Variants in NTNG2 observed in about 807,000 individuals in gnomAD.
The protein encoded by NTNG2 is netrin G2.
NTNG2 carries 15 observed loss-of-function variants against 47.6 expected under a neutral mutation model. The ratio of observed to expected loss-of-function variants is 0.32; its 90% CI spans 0.21 to 0.49. The LOEUF (loss-of-function observed/expected upper bound fraction) is 0.49, where lower values mean the gene tolerates loss of function less well. NTNG2 is among the 20% of genes least tolerant of loss of function. The pLI is 0.99. For synonymous variants in NTNG2, 307 were observed against 324.6 expected (o/e 0.95, Z 0.58); for missense variants, 578 against 764.6 (o/e 0.76, Z 2.88).
chr9:132,171,464 G>A (rs761582581), intron 2 of NTNG2, among the ~76,000 whole-genome samples: 1 of 152,306 alleles, frequency 6.6e-6, no homozygotes, highest in East Asian at 1.9e-4. Context: ...ATTGACATGG[G>A]TGAACATTCA....
At chr9:132,241,146 C>T in intron 7 of NTNG2, 102 bp downstream of exon 7, 1 of 1,262,530 alleles carries the variant, frequency 7.9e-7, no homozygotes. Context: ...GGGCGGTGGA[C>T]TGGGCCTAGC....
chr9:132,225,370 A>G (rs925667217), intron 3 of NTNG2, among the ~76,000 whole-genome samples: 1 of 152,090 alleles, frequency 6.6e-6, no homozygotes, highest in Non-Finnish European at 1.5e-5. Context: ...TCCTGGGCTC[A>G]AGGGATCCTC....
chr9:132,237,091 C>T (rs1018386392), intron 5 of NTNG2, among the ~76,000 whole-genome samples: 1 of 152,100 alleles, frequency 6.6e-6, no homozygotes, highest in East Asian at 1.9e-4. Context: ...TAGCAGGGCG[C>T]GGGGGTGTCA....
intron 6 of NTNG2, 77 bp downstream of exon 6, chr9:132,239,348 G>A: frequency 6.8e-7 from 1 of 1,479,108 alleles, no homozygotes; most frequent in Non-Finnish European, 9.4e-7. Flanking sequence ...GTGGCCTCTG[G>A]GGCCCCCTGC....
chr9:132,241,954 G>T lies in NTNG2; in HGVS notation c.1436G>T (p.Arg479Leu). The T allele has an allele frequency of 6.4e-7, 1 of 1,553,982 alleles. No homozygotes were observed. ...CAGAACCAGCGCTGCGCCTGCCCGC[G>T]CGGCTACACCGGCGTGCGCTGCGAG... ...CLQNQRCACP[R>L]GYTGVRCEQP... The change falls in exon 8 of 8, where the codon CGC becomes CTC. Residue 479 changes from arginine to leucine, a missense_variant. By Grantham distance (102) the Arg-to-Leu change is moderately radical (BLOSUM62 -2). Coordinates refer to ENST00000393229, the MANE Select transcript of NTNG2 (RefSeq NM_032536.4).
chr9:132,194,893 G>A (rs1167293690), intron 2 of NTNG2, among the ~76,000 whole-genome samples: 1 of 152,232 alleles, frequency 6.6e-6, no homozygotes, highest in African/African-American at 2.4e-5. Flanking sequence ...TGGGGGCCGC[G>A]GGGCTGTGGC....
At chr9:132,241,493 T>C in intron 7 of NTNG2, 1 of 316,758 alleles carries the variant, frequency 3.2e-6, no homozygotes, top group Non-Finnish European at 5.9e-6. Flanking sequence ...CGAGCTGGGG[T>C]TGGTTGGAAA....
intron 2 of NTNG2, among the ~76,000 whole-genome samples, chr9:132,184,313 T>C (rs922265553): frequency 1.3e-5 from 2 of 152,208 alleles, no homozygotes; most frequent in African/African-American, 4.8e-5. Flanking sequence ...GTTCTGAGTA[T>C]GGAACACCTG....
Position 132,226,886 on chromosome 9 carries a change from C to T in NTNG2, c.895C>T (p.Arg299Cys), listed in dbSNP as rs1315897345. 7 of 1,611,280 alleles carry T rather than the reference C, an allele frequency of 4.3e-6. No homozygotes were observed. The highest frequency in any genetic ancestry group is 2.2e-5 in the East Asian group (1 of 44,778). ...CCTGCACGCCAACCTGTGCTCCATGCGCGAGGGCAGCCTGCAGTGCGAGTG... is the reference window on the plus strand; with the variant it reads ...CCTGCACGCCAACCTGTGCTCCATGTGCGAGGGCAGCCTGCAGTGCGAGTG... ...CNLHANLCSM[R>C]EGSLQCECEH... is the part of the protein sequence containing the mutation. Residue 299 changes from arginine (R) to cysteine (C), a missense_variant, in exon 4 of 8, where the codon CGC becomes TGC. Physicochemically the swap from Arg to Cys is radical, Grantham distance 180. Transcript: ENST00000393229. This position sits in a 1 kb window ranked among gnomAD's most constrained non-coding sequence, Gnocchi z 4.8.
chr9:132,190,905 A>G (rs1374400370), intron 2 of NTNG2, among the ~76,000 whole-genome samples: 1 of 152,096 alleles, frequency 6.6e-6, no homozygotes, highest in African/African-American at 2.4e-5. Flanking sequence ...TTCTAGCCAC[A>G]CTGCCTGACC....
chr9:132,238,863 G>C, intron 5 of NTNG2: 1 of 596,106 alleles, frequency 1.7e-6, no homozygotes, highest in Non-Finnish European at 3.0e-6. Flanking sequence ...CCTGCCCACA[G>C]GGCCAGGTGG....
In NTNG2 at chr9:132,204,405, G is replaced by A. The variant is rs151099758; in HGVS notation, c.857+5796G>A. 8.7e-3 allele frequency among the ~76,000 whole-genome samples: 1,319 copies of A among 152,244 alleles called. 22 individuals carry two copies. The highest frequency in any genetic ancestry group is 0.028 in the African/African-American group (1,170 of 41,544). On this transcript the variant is annotated intron_variant, in intron 3 of 7. Transcript: ENST00000393229. Reference sequence around the variant, plus strand: ...CCGTAACTGGAGATGGACGGACACCGGACTAGAATAGAAACAGCAGAGGGA... The same window carrying A: ...CCGTAACTGGAGATGGACGGACACCAGACTAGAATAGAAACAGCAGAGGGA...
intron 2 of NTNG2, among the ~76,000 whole-genome samples, chr9:132,191,574 T>C (rs1026828087): frequency 1.3e-5 from 2 of 152,054 alleles, no homozygotes; most frequent in Admixed American, 6.5e-5. Flanking sequence ...TTCTTTTTTT[T>C]TTTCTTTTAG....
intron 2 of NTNG2, among the ~76,000 whole-genome samples, chr9:132,168,244 G>T (rs527565171): frequency 6.6e-6 from 1 of 152,204 alleles, no homozygotes; most frequent in Non-Finnish European, 1.5e-5. Flanking sequence ...TCCGGAGGCC[G>T]TCCCTGGCAG....
At chr9:132,214,238 C>T (rs1472073493) in intron 3 of NTNG2, among the ~76,000 whole-genome samples, 5 of 152,250 alleles carry the variant, frequency 3.3e-5, no homozygotes, top group Admixed American at 6.5e-5. Context: ...AAACCCCCCG[C>T]TCCTCTCTCC....
intron 2 of NTNG2, among the ~76,000 whole-genome samples, chr9:132,187,139 G>A (rs1837452741): frequency 6.6e-6 from 1 of 152,262 alleles, no homozygotes; most frequent in Non-Finnish European, 1.5e-5. Flanking sequence ...CTGTGCCCAG[G>A]CCATGCCCAC....
rs577150839 is a variant in NTNG2, at chr9:132,198,696, C to G, written c.857+87C>G. The G allele has an allele frequency of 6.0e-4, 833 of 1,386,020 alleles. 3 individuals carry two copies. The highest frequency in any genetic ancestry group is 7.3e-4 in the Non-Finnish European group (736 of 1,010,098). The allele number at this position is 1,386,020 out of a possible 1,614,324, so 85.9% of individuals were successfully genotyped here. A position where few individuals can be genotyped will look rare whatever the true frequency, so the allele number is the denominator to read the frequency against. On this transcript the variant is annotated intron_variant, in intron 3 of 7. Coordinates refer to ENST00000393229, the MANE Select transcript of NTNG2 (RefSeq NM_032536.4). The stretch of plus-strand genomic sequence containing the variant: ...CGTTATTGGATACCTGGGATGTTAC[C>G]TGGTATGTGGAACATGACCGGGTTC...
At chr9:132,228,373 T>C (rs1042767150) in intron 4 of NTNG2, among the ~76,000 whole-genome samples, 2 of 152,178 alleles carry the variant, frequency 1.3e-5, no homozygotes, top group Admixed American at 6.5e-5. Context: ...GACAGCCCAC[T>C]CCAGCCGCTG....
chr9:132,200,606 G>A (rs1838673726), intron 3 of NTNG2, among the ~76,000 whole-genome samples: 2 of 152,242 alleles, frequency 1.3e-5, no homozygotes, highest in Admixed American at 1.3e-4. Context: ...CCGCTGTGGT[G>A]CTGCTGTTTC....
Sources: allele counts gnomAD v4.1 joint callset (sites outside exome capture counted in the v4.1 genomes callset), GRCh38; gene constraint gnomAD v4.1.1; non-coding constraint Gnocchi (gnomAD v3.1); transcripts MANE v1.5; gene names NCBI Gene and HGNC (gene_info 2026-07-23, HGNC 2026-07-21).